Variants in DPP10 observed in about 807,000 individuals in gnomAD.
DPP10 encodes the protein dipeptidyl peptidase like 10.
In DPP10, 33 loss-of-function variants were observed where a neutral mutation model predicts 120.9. The ratio of observed to expected loss-of-function variants is 0.27; its 90% CI spans 0.21 to 0.37. The LOEUF is 0.37. Among genes scored for constraint, DPP10 ranks in the 10% least tolerant of loss-of-function variants. The probability of loss-of-function intolerance (pLI) is 1.00; values close to 1 mark genes in which losing one functional copy is unlikely to be tolerated. For synonymous variants in DPP10, 337 were observed against 326.1 expected, an observed-to-expected ratio of 1.03 and a Z score of -0.36; for missense variants, 816 against 942.8, an observed-to-expected ratio of 0.87 and a Z score of 1.76.
chr2:115,506,592 A>G (rs979041807), intron 4 of DPP10, among the ~76,000 whole-genome samples: 1 of 152,124 alleles, frequency 6.6e-6, no homozygotes, highest in East Asian at 1.9e-4. Context: ...ATATATAAAA[A>G]TCTATGTTTA....
chr2:115,507,634 A>T (rs566858710), intron 4 of DPP10, among the ~76,000 whole-genome samples: 4 of 152,266 alleles, frequency 2.6e-5, no homozygotes, highest in Non-Finnish European at 5.9e-5. Flanking sequence ...ATGGTACAAG[A>T]TGAACTCAAT....
chr2:114,899,908 C>T (rs1326786599), intron 1 of DPP10, among the ~76,000 whole-genome samples: 1 of 152,142 alleles, frequency 6.6e-6, no homozygotes, highest in Non-Finnish European at 1.5e-5. Flanking sequence ...GGCAGTGAGC[C>T]AAGATCGCAC....
intron 1 of DPP10, among the ~76,000 whole-genome samples, chr2:114,565,757 T>C (rs1689146619): frequency 6.6e-6 from 1 of 152,200 alleles, no homozygotes; most frequent in South Asian, 2.1e-4. Context: ...GACTTCCTGG[T>C]GTTATAATTT....
At chr2:114,629,883 G>A (rs1280327956) in intron 1 of DPP10, among the ~76,000 whole-genome samples, 1 of 152,036 alleles carries the variant, frequency 6.6e-6, no homozygotes, top group African/African-American at 2.4e-5. Flanking sequence ...CAATGAATAA[G>A]TTTTGAATAT....
chr2:115,200,044 C>G (rs1213859529), intron 1 of DPP10, among the ~76,000 whole-genome samples: 3 of 152,162 alleles, frequency 2.0e-5, no homozygotes, highest in Non-Finnish European at 4.4e-5. Context: ...ATGACACCAG[C>G]TCTGGGTTCC....
At chr2:115,670,506 A>T (rs956038655) in intron 5 of DPP10, among the ~76,000 whole-genome samples, 9 of 152,132 alleles carry the variant, frequency 5.9e-5, no homozygotes, top group African/African-American at 2.2e-4. Context: ...TCAGTCTAAG[A>T]GTAAAAAGCA....
chr2:114,969,491 C>T (rs556133676), intron 1 of DPP10, among the ~76,000 whole-genome samples: 4 of 152,258 alleles, frequency 2.6e-5, no homozygotes, highest in Admixed American at 2.6e-4. Context: ...CTCATACACA[C>T]TAAATTAAAG....
chr2:115,543,118 A>G (rs1337138637), intron 5 of DPP10, among the ~76,000 whole-genome samples: 1 of 152,114 alleles, frequency 6.6e-6, no homozygotes, highest in East Asian at 1.9e-4. Flanking sequence ...AATAGAATTT[A>G]CTGGAAGAAC....
At chr2:114,856,156 T>C (rs1315318127) in intron 1 of DPP10, among the ~76,000 whole-genome samples, 1 of 152,180 alleles carries the variant, frequency 6.6e-6, no homozygotes, top group Non-Finnish European at 1.5e-5. Flanking sequence ...TTAAAAGGGA[T>C]TTGACTTTTT....
intron 1 of DPP10, among the ~76,000 whole-genome samples, chr2:114,760,025 C>T (rs576066740): frequency 6.6e-6 from 1 of 152,280 alleles, no homozygotes; most frequent in East Asian, 1.9e-4. Flanking sequence ...CACTTCTCAC[C>T]ACCTGCACCA....
rs2090674 is a variant in DPP10, at chr2:114,873,972, C to T, written c.60+431134C>T. Among the ~76,000 whole-genome samples the T allele has an allele frequency of 4.0e-3, 611 of 152,252 alleles. 4 individuals carry two copies. Among genetic ancestry groups the T allele is most frequent in the African/African-American group, 0.013 (527 of 41,556 alleles). On this transcript the variant is annotated intron_variant, in intron 1 of 25. Transcript: ENST00000410059. ...AACCTGCTCAACGAACTCAATCTGT[C>T]GCTTCAGTGGAGAATGACCACTGTG...
At chr2:114,443,035 C>G (rs571434264) in intron 1 of DPP10, among the ~76,000 whole-genome samples, 197 bp downstream of exon 1, 1 of 151,146 alleles carries the variant, frequency 6.6e-6, no homozygotes, top group South Asian at 2.1e-4. Flanking sequence ...CTGAACACTT[C>G]TTTCATCTTC....
chr2:114,629,463 A>G (rs1694757698), intron 1 of DPP10, among the ~76,000 whole-genome samples: 1 of 152,254 alleles, frequency 6.6e-6, no homozygotes, highest in East Asian at 1.9e-4. Flanking sequence ...ATTAACAAAT[A>G]AAGTGGACTT....
At chr2:114,492,324 AGCCC>A (rs1682076185) in intron 1 of DPP10, among the ~76,000 whole-genome samples, 1 of 152,186 alleles carries the variant, frequency 6.6e-6, no homozygotes, top group African/African-American at 2.4e-5. Flanking sequence ...AGATGTTAAA[AGCCC>A]CTAGTGAAGA....
intron 1 of DPP10, among the ~76,000 whole-genome samples, chr2:114,940,228 T>C (rs1519671): frequency 0.99 from 150,151 of 152,278 alleles, 74,056 homozygotes; most frequent in Middle Eastern, 1. Flanking sequence ...AGCCTATAAC[T>C]GTAACACTGT....
At chr2:115,590,629 C>G (rs546057590) in intron 5 of DPP10, among the ~76,000 whole-genome samples, 3 of 147,742 alleles carry the variant, frequency 2.0e-5, no homozygotes, top group African/African-American at 8.1e-5. Context: ...AATAAACATA[C>G]GTGTGAATGT....
At chr2:114,574,059 T>C (rs762538964) in intron 1 of DPP10, among the ~76,000 whole-genome samples, 18 of 152,210 alleles carry the variant, frequency 1.2e-4, no homozygotes, top group Non-Finnish European at 2.2e-4. Flanking sequence ...TTATTCCAAG[T>C]GGATCAGAAA....
chr2:114,834,763 C>CACACCTAT, intron 1 of DPP10, among the ~76,000 whole-genome samples: 1 of 144,856 alleles, frequency 6.9e-6, no homozygotes, highest in South Asian at 2.3e-4. Context: ...GCCATGTCTA[C>CACACCTAT]GCACCTATGT....
In DPP10 at chr2:115,529,159, CA is replaced by C. The variant is rs370638917; in HGVS notation, c.441+3190del. On this transcript the variant is annotated intron_variant, in intron 5 of 25. Coordinates refer to ENST00000410059, the MANE Select transcript of DPP10 (RefSeq NM_020868.6). ...TTTTTTAAAAAGTCCTAAAATAAGG[CA>C]AATTTTTTTTTTTTCCGGTGGGAGG... Among the ~76,000 whole-genome samples, 527 of 151,502 alleles carry C rather than the reference CA, an allele frequency of 3.5e-3. 2 individuals carry two copies. The highest frequency in any genetic ancestry group is 0.012 in the African/African-American group (490 of 41,312).
Sources: allele counts gnomAD v4.1 joint callset (sites outside exome capture counted in the v4.1 genomes callset), GRCh38; gene constraint gnomAD v4.1.1; transcripts MANE v1.5; gene names NCBI Gene and HGNC (gene_info 2026-07-23, HGNC 2026-07-21).